ZHX1: variants seen among roughly 807,000 people sequenced by gnomAD.
ZHX1 encodes zinc fingers and homeoboxes protein 1.
ZHX1 carries 20 observed loss-of-function variants against 61.8 expected under a neutral mutation model. That is an observed-to-expected ratio of 0.32 (90% CI 0.23 to 0.47). The LOEUF (loss-of-function observed/expected upper bound fraction) is 0.47. ZHX1 is among the 20% of genes least tolerant of loss of function. ZHX1 has a pLI of 1.00. For synonymous variants in ZHX1, 318 were observed against 352.6 expected, an observed-to-expected ratio of 0.90 and a Z score of 1.10; for missense variants, 800 against 1,034.8, an observed-to-expected ratio of 0.77 and a Z score of 3.11.
intron 2 of ZHX1, among the ~76,000 whole-genome samples, chr8:123,257,410 G>C (rs1377873972): frequency 6.6e-6 from 1 of 152,046 alleles, no homozygotes; most frequent in Non-Finnish European, 1.5e-5. Context: ...TATGCTTTAG[G>C]TATACCAGAA....
rs1825869512 is a variant in ZHX1, at chr8:123,249,820, CATA to C, written c.*501_*503del. The C allele has an allele frequency of 6.9e-6, 1 of 144,838 alleles. No homozygotes were observed. 9.0% of individuals were successfully genotyped at this position (144,838 alleles called of 1,614,324 possible). On this transcript the variant is annotated 3_prime_UTR_variant, in exon 4 of 4. Transcript: ENST00000395571. ...TTAGTGCAGGGTCTGATAAATAAGA[CATA>C]GTAATAAATCAGGGTTTTTTTTTTT... is the stretch of plus-strand genomic sequence containing the variant.
At position 123,261,299 on chromosome 8, in the gene ZHX1, GGAA is replaced by G. The variant is rs1329243631; in HGVS notation, c.-225-5131_-225-5129del. ...CTTAGTACAACTGCCCCATTTTTAT[GGAA>G]GAAGAATCCCAGGCCCAGAGTAATT... On this transcript the variant is annotated intron_variant, in intron 2 of 3. Coordinates refer to ENST00000395571, the MANE Select transcript of ZHX1 (RefSeq NM_007222.5). Among the ~76,000 whole-genome samples the G allele has an allele frequency of 2.0e-5, 3 of 152,274 alleles. 1 individual carries two copies. Among genetic ancestry groups the G allele is most frequent in the African/African-American group, 7.2e-5 (3 of 41,564 alleles).
intron 1 of ZHX1, among the ~76,000 whole-genome samples, chr8:123,267,995 C>T (rs747302014): frequency 2.0e-5 from 3 of 147,204 alleles, no homozygotes; most frequent in South Asian, 2.1e-4. Flanking sequence ...GAGCGAAACT[C>T]TGACTCTAAA....
In ZHX1 at chr8:123,255,965, A is replaced by T. The variant is rs1233923876; in HGVS notation, c.-19T>A. On this transcript the variant is annotated 5_prime_UTR_variant, in exon 3 of 4. Coordinates refer to ENST00000395571, the MANE Select transcript of ZHX1 (RefSeq NM_007222.5). ...TTGCCATTCTGATGTTATGAGGAAAAGCTCAGTGGTGATTAAAAAGCATCG... is the reference window on the plus strand; with the variant it reads ...TTGCCATTCTGATGTTATGAGGAAATGCTCAGTGGTGATTAAAAAGCATCG... 1 of 1,571,912 alleles carries T rather than the reference A, an allele frequency of 6.4e-7. No individual in the cohort carries two copies. The highest frequency in any genetic ancestry group is 8.6e-7 in the Non-Finnish European group (1 of 1,159,890).
At position 123,253,999 on chromosome 8, in the gene ZHX1, CAGG is replaced by C. The variant is rs762287928; in HGVS notation, c.1945_1947del (p.Pro649del). The C allele has an allele frequency of 1.7e-5, 28 of 1,614,052 alleles. No homozygotes were observed. The highest frequency in any genetic ancestry group is 2.2e-5 in the East Asian group (1 of 44,898). On this transcript the variant is annotated inframe_deletion, in exon 3 of 4. Transcript: ENST00000395571. ...GACTTAGGTGCACCAGATTCATCTG[CAGG>C]AGAAGTTTCTCCAGCTTCTTCTTTG...
chr8:123,275,252 C>G (rs907195150), upstream of ZHX1: 1 of 152,496 alleles, frequency 6.6e-6, no homozygotes, highest in African/African-American at 2.4e-5. Flanking sequence ...TGCCCGGCGT[C>G]TCCGCCCCTC....
chr8:123,263,641 G>T (rs1826358943), intron 2 of ZHX1, among the ~76,000 whole-genome samples: 1 of 151,996 alleles, frequency 6.6e-6, no homozygotes, highest in Admixed American at 6.6e-5. Context: ...AGACCAACCT[G>T]GTCAACGTGG....
chr8:123,263,172 A>C (rs941461911), intron 2 of ZHX1, among the ~76,000 whole-genome samples: 36 of 151,850 alleles, frequency 2.4e-4, no homozygotes, highest in Non-Finnish European at 4.4e-4. Flanking sequence ...TGGAGCTCTG[A>C]GAAGTCAGAT....
rs777231399 is a variant in ZHX1 at position 123,255,362 on chromosome 8, C to T, written c.585G>A (p.Arg195=). 2 of 1,613,892 alleles carry T rather than the reference C, an allele frequency of 1.2e-6. No individual in the cohort carries two copies. Among genetic ancestry groups the T allele is most frequent in the Non-Finnish European group, 1.7e-6 (2 of 1,179,986 alleles). Residue 195 remains arginine (R), a synonymous_variant, in exon 3 of 4, where the codon CGG becomes CGA. Coordinates refer to ENST00000395571, the MANE Select transcript of ZHX1 (RefSeq NM_007222.5). The part of the protein sequence containing the change: ...KMMKNKVENK[R]IAVHHNSVED... ...CAACTGAGTTATGATGAACTGCAATCCGTTTATTTTCCACTTTATTTTTCA... is the reference window on the plus strand; with the variant it reads ...CAACTGAGTTATGATGAACTGCAATTCGTTTATTTTCCACTTTATTTTTCA...
intron 2 of ZHX1, among the ~76,000 whole-genome samples, chr8:123,263,231 G>C (rs1826341429): frequency 6.6e-6 from 1 of 151,966 alleles, no homozygotes; most frequent in Non-Finnish European, 1.5e-5. Context: ...CCAGGGTGTA[G>C]ATCTAGACTA....
intron 1 of ZHX1, chr8:123,273,654 T>A (rs931434941): frequency 1.3e-5 from 2 of 152,288 alleles, no homozygotes; most frequent in African/African-American, 2.4e-5. Flanking sequence ...CCTCAGTCAG[T>A]GCGCTCAGCT....
chr8:123,255,426 G>A lies in ZHX1; in HGVS notation c.521C>T (p.Ser174Leu), dbSNP rs35951597. 1.6e-3 allele frequency: 2,598 copies of A among 1,613,054 alleles called. 1 individual carries two copies. Among genetic ancestry groups the A allele is most frequent in the Middle Eastern group, 3.6e-3 (22 of 6,062 alleles). ...AGGAGTTTTACTGATAGATATTCCC[G>A]AAGAAGAAACTTCTGTAGATTCTGC... Reference protein sequence around the residue: ...EQAESTEVSSSGISISKTPIM... With the variant: ...EQAESTEVSSLGISISKTPIM... Residue 174 changes from serine (S) to leucine (L), a missense_variant, in exon 3 of 4, where the codon TCG (serine) becomes TTG (leucine). Physicochemically the swap from Ser to Leu is moderately radical, Grantham distance 145. Coordinates refer to ENST00000395571, the MANE Select transcript of ZHX1 (RefSeq NM_007222.5).
intron 2 of ZHX1, 95 bp downstream of exon 2, chr8:123,267,178 C>A: frequency 8.4e-7 from 1 of 1,183,484 alleles, no homozygotes. Flanking sequence ...TTAAGGAAAG[C>A]TTTTAAAAAC....
intron 3 of ZHX1, among the ~76,000 whole-genome samples, chr8:123,251,013 G>A (rs540347178): frequency 6.6e-6 from 1 of 152,238 alleles, no homozygotes; most frequent in South Asian, 2.1e-4. Context: ...ATTTGAAATT[G>A]TATAAGCCCA....
intron 2 of ZHX1, among the ~76,000 whole-genome samples, chr8:123,260,118 A>C (rs1826200705): frequency 6.6e-6 from 1 of 151,904 alleles, no homozygotes; most frequent in African/African-American, 2.4e-5. Context: ...AGATCAAGCC[A>C]CTGCACTCCA....
At chr8:123,250,843 T>C (rs1563807261) in intron 3 of ZHX1, among the ~76,000 whole-genome samples, 1 of 152,198 alleles carries the variant, frequency 6.6e-6, no homozygotes, top group Non-Finnish European at 1.5e-5. Flanking sequence ...ATTTAGACTT[T>C]TGTGTATTTA....
At chr8:123,272,060 C>T (rs899786028) in intron 1 of ZHX1, among the ~76,000 whole-genome samples, 2 of 152,210 alleles carry the variant, frequency 1.3e-5, no homozygotes, top group Non-Finnish European at 2.9e-5. Flanking sequence ...GAACAGCACA[C>T]GTGCATAAAA....
intron 1 of ZHX1, among the ~76,000 whole-genome samples, chr8:123,268,631 A>G (rs972228172): frequency 6.6e-6 from 1 of 152,092 alleles, no homozygotes; most frequent in African/African-American, 2.4e-5. Flanking sequence ...AGCTGGGATT[A>G]CAGGCACACG....
intron 1 of ZHX1, among the ~76,000 whole-genome samples, chr8:123,268,283 A>G (rs1222658084): frequency 2.0e-5 from 3 of 152,214 alleles, no homozygotes; most frequent in African/African-American, 4.8e-5. Context: ...CTACTACCAA[A>G]TGGCTTTACA....
Sources: allele counts gnomAD v4.1 joint callset (sites outside exome capture counted in the v4.1 genomes callset), GRCh38; gene constraint gnomAD v4.1.1; transcripts MANE v1.5; gene names NCBI Gene and HGNC (gene_info 2026-07-23, HGNC 2026-07-21).